The following SH3YL1 variants were observed in gnomAD, a reference collection of about 807,000 sequenced individuals.
The protein encoded by SH3YL1 is SH3 domain-containing YSC84-like protein 1.
In SH3YL1, 41 loss-of-function variants were observed where a neutral mutation model predicts 45.8. The ratio of observed to expected loss-of-function variants is 0.89; its 90% CI spans 0.70 to 1.16. SH3YL1 has a LOEUF of 1.16. SH3YL1 is among the 50% of genes most tolerant of loss of function. The probability of loss-of-function intolerance (pLI) is 0.00; values close to 1 mark genes in which losing one functional copy is unlikely to be tolerated. For synonymous variants in SH3YL1, 152 were observed against 151.4 expected, an observed-to-expected ratio of 1.00 and a Z score of -0.03; for missense variants, 389 against 409.6, an observed-to-expected ratio of 0.95 and a Z score of 0.43.
chr2:220,167 G>A (rs181310695), intron 9 of SH3YL1, among the ~76,000 whole-genome samples: 1 of 141,868 alleles, frequency 7.0e-6, no homozygotes, highest in African/African-American at 2.7e-5. Context: ...CTAGAGCCAG[G>A]TCCTATTTGA....
At chr2:246,840 T>C (rs537404062) in intron 4 of SH3YL1, among the ~76,000 whole-genome samples, 17 of 152,288 alleles carry the variant, frequency 1.1e-4, no homozygotes, top group African/African-American at 4.1e-4. Flanking sequence ...TTCCTCCTAA[T>C]AAGGCTGAGG....
At chr2:219,116 T>C (rs960224864) in intron 9 of SH3YL1, 115 bp from the exon 10 acceptor site, 2 of 698,506 alleles carry the variant, frequency 2.9e-6, no homozygotes, top group Non-Finnish European at 4.6e-6. Flanking sequence ...TCTTGGAGGC[T>C]GGCAGAAACC....
At chr2:241,685 A>G (rs2103037423) in intron 4 of SH3YL1, 1 of 152,298 alleles carries the variant, frequency 6.6e-6, no homozygotes, top group East Asian at 1.9e-4. Flanking sequence ...AACCCCAATT[A>G]GAATAATAGA....
intron 4 of SH3YL1, among the ~76,000 whole-genome samples, chr2:243,988 G>A (rs2103040274): frequency 6.6e-6 from 1 of 152,180 alleles, no homozygotes; most frequent in South Asian, 2.1e-4. Context: ...CCTATTGAGG[G>A]ATGTGCAGAC....
chr2:223,992 T>C (rs1667688550), intron 9 of SH3YL1, among the ~76,000 whole-genome samples: 1 of 152,250 alleles, frequency 6.6e-6, no homozygotes, highest in Non-Finnish European at 1.5e-5. Flanking sequence ...CTTTTCAACA[T>C]ATTTTTATCT....
intron 4 of SH3YL1, chr2:243,498 C>A (rs1668636272): frequency 6.5e-7 from 1 of 1,531,104 alleles, no homozygotes; most frequent in East Asian, 2.5e-5. Flanking sequence ...GAAGACACAA[C>A]ATACCCACAC....
At chr2:263,917 C>G (rs1669718047) in intron 1 of SH3YL1, 67 bp downstream of exon 1, 1 of 1,366,748 alleles carries the variant, frequency 7.3e-7, no homozygotes, top group Non-Finnish European at 1.0e-6. Flanking sequence ...CGTCCTCCTC[C>G]TCCCACCACC....
chr2:234,379 A>G (rs1426461646), intron 4 of SH3YL1, 107 bp from the exon 5 acceptor site: 5 of 745,998 alleles, frequency 6.7e-6, no homozygotes, highest in Non-Finnish European at 8.7e-6. Context: ...GCAAAACATC[A>G]ATAGAGACAG....
chr2:219,112 A>G (rs1667474156), intron 9 of SH3YL1, 111 bp from the exon 10 acceptor site: 1 of 758,106 alleles, frequency 1.3e-6, no homozygotes, highest in African/African-American at 1.8e-5. Context: ...GATGTCTTGG[A>G]GGCTGGCAGA....
At chr2:250,411 T>C (rs2103048630) in intron 2 of SH3YL1, among the ~76,000 whole-genome samples, 1 of 152,348 alleles carries the variant, frequency 6.6e-6, no homozygotes, top group Middle Eastern at 3.4e-3. Context: ...TGCTATAGCA[T>C]TTGAGTACCA....
intron 1 of SH3YL1, chr2:259,382 T>A (rs1026928191): frequency 4.6e-5 from 7 of 152,122 alleles, no homozygotes; most frequent in Non-Finnish European, 8.8e-5. Flanking sequence ...AAAATTAATA[T>A]TTTTTTGGAA....
intron 9 of SH3YL1, chr2:222,299 G>A (rs1335041447): frequency 6.6e-6 from 1 of 152,194 alleles, no homozygotes; most frequent in Non-Finnish European, 1.5e-5. Flanking sequence ...AGGCTGGTCT[G>A]TGGATGTCCC....
At chr2:232,945 A>G in intron 6 of SH3YL1, 156 bp downstream of exon 6, 1 of 506,050 alleles carries the variant, frequency 2.0e-6, no homozygotes, top group Non-Finnish European at 3.1e-6. Flanking sequence ...CTACGAGCAT[A>G]TATTATTTGT....
At chr2:224,231 G>T (rs1338223378) in intron 9 of SH3YL1, among the ~76,000 whole-genome samples, 1 of 151,852 alleles carries the variant, frequency 6.6e-6, no homozygotes, top group Non-Finnish European at 1.5e-5. Flanking sequence ...TTCTCTTCAG[G>T]GAAACCTCTG....
intron 1 of SH3YL1, chr2:259,537 T>G (rs1251510139): frequency 6.6e-6 from 1 of 151,422 alleles, no homozygotes; most frequent in African/African-American, 2.4e-5. Flanking sequence ...AATGGGAAAA[T>G]AAACAAGCAA....
At chr2:223,184 GT>G (rs1197691746) in intron 9 of SH3YL1, among the ~76,000 whole-genome samples, 2 of 152,182 alleles carry the variant, frequency 1.3e-5, no homozygotes, top group African/African-American at 4.8e-5. Flanking sequence ...CCCACAGCTG[GT>G]AAGTGAAAGT....
chr2:243,528 C>T, intron 4 of SH3YL1: 1 of 1,541,302 alleles, frequency 6.5e-7, no homozygotes, highest in Non-Finnish European at 8.7e-7. Context: ...GCAGCCAGGG[C>T]AATGCTCAGA....
intron 1 of SH3YL1, chr2:262,390 G>A (rs921337210): frequency 1.0e-5 from 3 of 290,900 alleles, no homozygotes; most frequent in African/African-American, 6.6e-5. Context: ...GGCTGGGGAA[G>A]GAAGAGGACA....
intron 4 of SH3YL1, among the ~76,000 whole-genome samples, chr2:247,082 A>G (rs188019248): frequency 3.3e-5 from 5 of 152,334 alleles, no homozygotes; most frequent in African/African-American, 1.2e-4. Flanking sequence ...AACATTATAA[A>G]CTGAAATAAC....
Sources: allele counts gnomAD v4.1 joint callset (sites outside exome capture counted in the v4.1 genomes callset), GRCh38; gene constraint gnomAD v4.1.1; transcripts MANE v1.5; gene names NCBI Gene and HGNC (gene_info 2026-07-23, HGNC 2026-07-21).